The following CPNE7 variants were observed in gnomAD, a reference collection of about 807,000 sequenced individuals.
CPNE7 encodes the protein copine 7, also known as copine-7.
In CPNE7, 78 loss-of-function variants were observed where a neutral mutation model predicts 66.5. The ratio of observed to expected loss-of-function variants is 1.17; its 90% CI spans 0.98 to 1.42. CPNE7 has a LOEUF of 1.42. CPNE7 is among the 40% of genes most tolerant of loss of function. The pLI, the probability that CPNE7 is intolerant of heterozygous loss-of-function variation, is 0.00. For synonymous variants in CPNE7, 468 were observed against 336.7 expected (o/e 1.39, Z -4.27); for missense variants, 1,012 against 776.6 (o/e 1.30, Z -3.60).
intron 1 of CPNE7, among the ~76,000 whole-genome samples, chr16:89,576,720 C>T (rs12933179): frequency 0.033 from 4,986 of 152,250 alleles, 129 homozygotes; most frequent in Non-Finnish European, 0.049. Flanking sequence ...GAACCCCAGT[C>T]CGCGCGGGGC....
chr16:89,590,905 G>C (rs2059157043), intron 11 of CPNE7, 102 bp from the exon 12 acceptor site: 2 of 1,211,896 alleles, frequency 1.7e-6, no homozygotes, highest in Admixed American at 4.3e-5. Context: ...CTGACTGGGG[G>C]ACATGGGGGC....
chr16:89,578,816 C>T lies in CPNE7; in HGVS notation c.357+1095C>T. ...TGAGCAGCAGGTCCTACGGTGGCCA[C>T]TGCTTCCTTGGTGATGCTCTCTGGG... On this transcript the variant is annotated intron_variant, in intron 2 of 14. Coordinates refer to ENST00000319518, the MANE Select transcript of CPNE7 (RefSeq NM_153636.3). 3 of 1,558,712 alleles carry T rather than the reference C, an allele frequency of 1.9e-6. No individual in the cohort carries two copies. In the South Asian group the frequency reaches 3.5e-5, roughly 18 times the overall value.
chr16:89,576,211 C>A, intron 1 of CPNE7, 140 bp downstream of exon 1: 1 of 637,680 alleles, frequency 1.6e-6, no homozygotes, highest in Non-Finnish European at 2.2e-6. Flanking sequence ...AGCTCGGGGT[C>A]AGGGTTGGGG....
At chr16:89,585,095 C>G (rs1259369355) in intron 5 of CPNE7, among the ~76,000 whole-genome samples, 3 of 152,358 alleles carry the variant, frequency 2.0e-5, no homozygotes, top group East Asian at 1.9e-4. Context: ...ATTTTTAGAC[C>G]TACCTTCCAC....
At chr16:89,593,900 C>G (rs1380111210) in intron 13 of CPNE7, among the ~76,000 whole-genome samples, 2 of 152,162 alleles carry the variant, frequency 1.3e-5, no homozygotes, top group East Asian at 1.9e-4. Flanking sequence ...GGAAGCGGGT[C>G]TCAGACGGTT....
chr16:89,596,636 T>A lies in CPNE7; in HGVS notation c.*15T>A, dbSNP rs777087859. On this transcript the variant is annotated 3_prime_UTR_variant, in exon 15 of 15. Coordinates refer to ENST00000319518, the MANE Select transcript of CPNE7 (RefSeq NM_153636.3). ...GCACACCGTGAAGATGTGGAGGGCG[T>A]AGGGTGGGGGCAGTGAGGAATGGGT... The A allele has an allele frequency of 1.9e-6, 3 of 1,585,600 alleles. No individual in the cohort carries two copies. The East Asian group carries it at 6.8e-5, about 36-fold the overall frequency.
intron 13 of CPNE7, among the ~76,000 whole-genome samples, chr16:89,592,080 C>T (rs1379847123): frequency 6.7e-6 from 1 of 150,036 alleles, no homozygotes; most frequent in Non-Finnish European, 1.5e-5. Flanking sequence ...GCAATCTCCG[C>T]TCACTGCAAC....
In CPNE7 at chr16:89,584,737, C is replaced by T. The variant is rs1339847486; in HGVS notation, c.508-37C>T. ...AGCTCCCATCCAAAGCCCGATCTCA[C>T]AGTGCCTGGCCCAGCAGCCCTTGTG... On this transcript the variant is annotated intron_variant, in intron 4 of 14. Transcript: ENST00000319518. The surrounding 1 kb of genome is among the most constrained non-coding windows in gnomAD (Gnocchi z 6.0). 1.3e-6 allele frequency: 2 copies of T among 1,531,002 alleles called. No individual in the cohort carries two copies. The highest frequency in any genetic ancestry group is 2.7e-5 in the African/African-American group (2 of 73,258). The allele number at this position is 1,531,002 out of a possible 1,614,324, so 94.8% of individuals were successfully genotyped here. A position where few individuals can be genotyped will look rare whatever the true frequency, so the allele number is the denominator to read the frequency against.
At chr16:89,594,594 GT>G (rs1053370329) in intron 13 of CPNE7, among the ~76,000 whole-genome samples, 3 of 141,008 alleles carry the variant, frequency 2.1e-5, no homozygotes, top group African/African-American at 7.8e-5. Flanking sequence ...ATTGAGTGGG[GT>G]TTTTTTTAAA....
rs74037233 is a variant in CPNE7, at chr16:89,590,016, C to T, written c.1116+65C>T. 3,215 of 1,579,942 alleles carry T rather than the reference C, an allele frequency of 2.0e-3. 57 individuals are homozygous for T. In the African/African-American group the frequency reaches 0.037, roughly 18 times the overall value. On this transcript the variant is annotated intron_variant, in intron 11 of 14. Transcript: ENST00000319518. ...TTCTCGTGCCCTCCCAGGCAGAGGACGGCCTGGCCCAGGGAGCCCTGGCTG... is the reference window on the plus strand; with the variant it reads ...TTCTCGTGCCCTCCCAGGCAGAGGATGGCCTGGCCCAGGGAGCCCTGGCTG...
chr16:89,595,382 C>G lies in CPNE7; in HGVS notation c.1318C>G (p.Leu440Val), dbSNP rs996119738. Reference protein sequence around the residue: ...TGKASQYYILLILTDGVVTDM... With the variant: ...TGKASQYYILVILTDGVVTDM... Reference sequence around the variant, plus strand: ...GTGCCCCCAGCAATACTACATCCTGCTGATCCTGACGGACGGCGTGGTGAC... The same window carrying G: ...GTGCCCCCAGCAATACTACATCCTGGTGATCCTGACGGACGGCGTGGTGAC... The change falls in exon 14 of 15, where the codon CTG becomes GTG. Residue 440 changes from leucine to valine, a missense_variant. Physicochemically the swap from Leu to Val is conservative, Grantham distance 32. Transcript: ENST00000319518. The G allele has an allele frequency of 6.3e-7, 1 of 1,579,738 alleles. No homozygotes were observed. Among genetic ancestry groups the G allele is most frequent in the South Asian group, 1.2e-5 (1 of 86,150 alleles).
chr16:89,584,880 A>G lies in CPNE7; in HGVS notation c.591+23A>G. Reference sequence around the variant, plus strand: ...GAGGTGAGCGGCCGGGGATGGGAACACAGGGAGGGGAAGGGGCTGTCCCCA... The same window carrying G: ...GAGGTGAGCGGCCGGGGATGGGAACGCAGGGAGGGGAAGGGGCTGTCCCCA... On this transcript the variant is annotated intron_variant, in intron 5 of 14. Coordinates refer to ENST00000319518, the MANE Select transcript of CPNE7 (RefSeq NM_153636.3). This position sits in a 1 kb window ranked among gnomAD's most constrained non-coding sequence, Gnocchi z 6.0. 1 of 1,604,194 alleles carries G rather than the reference A, an allele frequency of 6.2e-7. No homozygotes were observed. Among genetic ancestry groups the G allele is most frequent in the Non-Finnish European group, 8.5e-7 (1 of 1,172,348 alleles).
chr16:89,588,942 C>A, intron 10 of CPNE7, 134 bp downstream of exon 10: 7 of 1,059,320 alleles, frequency 6.6e-6, no homozygotes, highest in East Asian at 5.2e-5. Context: ...TTCCCTCACC[C>A]CCCTGGGCTC....
rs374006079 is a variant in CPNE7 at position 89,578,917 on chromosome 16, G to C, written c.357+1196G>C. 82 of 1,613,796 alleles carry C rather than the reference G, an allele frequency of 5.1e-5. No homozygotes were observed. In the African/African-American group the frequency reaches 1.0e-3, roughly 20 times the overall value. On this transcript the variant is annotated intron_variant, in intron 2 of 14. Coordinates refer to ENST00000319518, the MANE Select transcript of CPNE7 (RefSeq NM_153636.3). ...AGTGTCTGTTGATGTGCTGGGCCCTGCTGGACACTGCGCTAAGCACTTCCT... is the reference window on the plus strand; with the variant it reads ...AGTGTCTGTTGATGTGCTGGGCCCTCCTGGACACTGCGCTAAGCACTTCCT...
chr16:89,579,838 C>T (rs1469607886), intron 2 of CPNE7, among the ~76,000 whole-genome samples: 1 of 27,874 alleles, frequency 3.6e-5, no homozygotes, highest in African/African-American at 8.3e-5. Flanking sequence ...ACACCCATCA[C>T]ACGGAACATC....
At chr16:89,592,768 T>A (rs1407843624) in intron 13 of CPNE7, among the ~76,000 whole-genome samples, 1 of 150,716 alleles carries the variant, frequency 6.6e-6, no homozygotes, top group Non-Finnish European at 1.5e-5. Flanking sequence ...TGATAAAATA[T>A]GCACAGTTTA....
Position 89,595,543 on chromosome 16 carries a change from A to C in CPNE7, c.1479A>C (p.Pro493=). Residue 493 remains proline (P), a synonymous_variant, in exon 14 of 15, where the codon CCA becomes CCC. Transcript: ENST00000319518. The part of the protein sequence containing the change: ...LDGDDGVLRS[P]RGEPALRDIV... ...GCGACGACGGCGTCCTGCGCTCCCC[A>C]CGGGGTGAGCCCGCGCTCCGGGACA... 6.2e-7 allele frequency: 1 copy of C among 1,612,328 alleles called. No homozygotes were observed. Among genetic ancestry groups the C allele is most frequent in the South Asian group, 1.1e-5 (1 of 91,036 alleles).
In CPNE7 at chr16:89,591,220, C is replaced by T. The variant is rs1401749925; in HGVS notation, c.1262C>T (p.Ala421Val). 2.5e-6 allele frequency: 4 copies of T among 1,590,780 alleles called. No individual in the cohort carries two copies. The highest frequency in any genetic ancestry group is 3.4e-6 in the Non-Finnish European group (4 of 1,168,740). The change falls in exon 13 of 15, where the codon GCA becomes GTA. Residue 421 changes from alanine (A) to valine (V), a missense_variant. Transcript: ENST00000319518. ...TNVAPIISKV[A>V]RVAAAEESTG... Reference sequence around the variant, plus strand: ...GTGGCGCCCATCATCTCCAAGGTGGCACGCGTGGCGGCGGCCGAGGAGAGC... The same window carrying T: ...GTGGCGCCCATCATCTCCAAGGTGGTACGCGTGGCGGCGGCCGAGGAGAGC...
Position 89,584,057 on chromosome 16 carries a change from C to T in CPNE7, c.462C>T (p.Asn154=), listed in dbSNP as rs533359433. 10 of 1,612,200 alleles carry T rather than the reference C, an allele frequency of 6.2e-6. No homozygotes were observed. Among genetic ancestry groups the T allele is most frequent in the South Asian group, 2.2e-5 (2 of 91,048 alleles). The change falls in exon 4 of 15, where the codon AAC becomes AAT. Residue 154 remains asparagine (N), a synonymous_variant. Transcript: ENST00000319518. This position sits in a 1 kb window ranked among gnomAD's most constrained non-coding sequence, Gnocchi z 6.0. ...TCGCCGAGGACATCTCGGGGAACAA[C>T]GGCTACGTGGAGCTCTCCTTCCGGG... ...TVIAEDISGN[N]GYVELSFRAR...
Sources: gnomAD v4.1 joint callset for allele counts (sites outside exome capture counted in the v4.1 genomes callset) on GRCh38, gnomAD v4.1.1 for gene constraint, Gnocchi (gnomAD v3.1) non-coding constraint, MANE v1.5 for transcripts, NCBI Gene and HGNC (gene_info 2026-07-23, HGNC 2026-07-21) for gene names.